The following LRFN2 variants were observed in gnomAD, a reference collection of about 807,000 sequenced individuals.
The protein encoded by LRFN2 is leucine rich repeat and fibronectin type III domain containing 2, also known as leucine-rich repeat and fibronectin type-III domain-containing protein 2.
LRFN2 carries 18 observed loss-of-function variants against 37.3 expected under a neutral mutation model. The observed-to-expected ratio is 0.48, with a 90% CI of 0.33 to 0.72. LRFN2 has a LOEUF of 0.72. Ranked by LOEUF, LRFN2 falls within the 30% of genes least tolerant of loss-of-function variation. The pLI, the probability that LRFN2 is intolerant of heterozygous loss-of-function variation, is 0.02. For missense variants in LRFN2, 1,006 were observed against 1,060.7 expected, an observed-to-expected ratio of 0.95 and a Z score of 0.72; for synonymous variants, 556 against 466.6, an observed-to-expected ratio of 1.19 and a Z score of -2.47.
chr6:40,460,730 C>T (rs1473778758), intron 1 of LRFN2, among the ~76,000 whole-genome samples: 1 of 152,142 alleles, frequency 6.6e-6, no homozygotes, highest in Non-Finnish European at 1.5e-5. Context: ...AGAAAGCCCC[C>T]TCCATAGCCC....
intron 1 of LRFN2, among the ~76,000 whole-genome samples, chr6:40,553,693 T>C (rs923382679): frequency 6.6e-6 from 1 of 152,234 alleles, no homozygotes; most frequent in South Asian, 2.1e-4. Context: ...CAGTTCTTAA[T>C]GAATTCGCCT....
chr6:40,462,577 T>A (rs993868815), intron 1 of LRFN2, among the ~76,000 whole-genome samples: 1 of 152,218 alleles, frequency 6.6e-6, no homozygotes, highest in African/African-American at 2.4e-5. Context: ...TCTTATTCAG[T>A]CCTTGTAAAG....
intron 1 of LRFN2, among the ~76,000 whole-genome samples, chr6:40,520,338 C>T (rs1766023639): frequency 6.6e-6 from 1 of 151,920 alleles, no homozygotes. Flanking sequence ...GAAGGAGGTG[C>T]AGGGAGGGGG....
At chr6:40,574,757 A>T (rs988856660) in intron 1 of LRFN2, among the ~76,000 whole-genome samples, 2 of 152,182 alleles carry the variant, frequency 1.3e-5, no homozygotes, top group African/African-American at 4.8e-5. Flanking sequence ...AGAAGTGGGC[A>T]GAGAGCAAGC....
chr6:40,515,617 G>A (rs1014096735), intron 1 of LRFN2, among the ~76,000 whole-genome samples: 3 of 152,158 alleles, frequency 2.0e-5, no homozygotes, highest in Non-Finnish European at 4.4e-5. Flanking sequence ...GGCTGGGCGC[G>A]GTGGCTCACG....
At chr6:40,558,362 G>A (rs1302271043) in intron 1 of LRFN2, among the ~76,000 whole-genome samples, 2 of 152,162 alleles carry the variant, frequency 1.3e-5, no homozygotes, top group African/African-American at 2.4e-5. Context: ...TTCCTTCCCC[G>A]CATTGTGGAA....
At chr6:40,586,311 T>C (rs1454616713) in intron 1 of LRFN2, among the ~76,000 whole-genome samples, 2 of 152,092 alleles carry the variant, frequency 1.3e-5, no homozygotes, top group African/African-American at 4.8e-5. Flanking sequence ...ACTTTCCATA[T>C]TGCTTCATCA....
At chr6:40,567,404 T>C (rs1322063333) in intron 1 of LRFN2, among the ~76,000 whole-genome samples, 2 of 152,198 alleles carry the variant, frequency 1.3e-5, no homozygotes, top group Admixed American at 1.3e-4. Flanking sequence ...TGATGCTGCC[T>C]TGGCTAAAAG....
chr6:40,456,361 A>C (rs983806772), intron 1 of LRFN2, among the ~76,000 whole-genome samples: 1 of 152,242 alleles, frequency 6.6e-6, no homozygotes, highest in African/African-American at 2.4e-5. Context: ...CCAGAGGAGA[A>C]GGACAATGAA....
At chr6:40,404,894 C>T (rs557307502) in intron 2 of LRFN2, among the ~76,000 whole-genome samples, 5 of 152,342 alleles carry the variant, frequency 3.3e-5, no homozygotes, top group East Asian at 1.9e-4. Flanking sequence ...CTGGGTTCAG[C>T]GTGCCCTCTC....
At chr6:40,582,433 C>T (rs894689563) in intron 1 of LRFN2, among the ~76,000 whole-genome samples, 3 of 151,956 alleles carry the variant, frequency 2.0e-5, no homozygotes, top group African/African-American at 7.3e-5. Flanking sequence ...CTCCTGCAGA[C>T]AATCCCAAGC....
At chr6:40,576,880 T>A (rs1161509899) in intron 1 of LRFN2, among the ~76,000 whole-genome samples, 1 of 151,770 alleles carries the variant, frequency 6.6e-6, no homozygotes, top group Admixed American at 6.6e-5. Context: ...CCTTCCTGAC[T>A]CCTCTTCCCA....
chr6:40,514,962 C>A (rs1403244582), intron 1 of LRFN2, among the ~76,000 whole-genome samples: 6 of 152,204 alleles, frequency 3.9e-5, no homozygotes, highest in African/African-American at 9.7e-5. Context: ...TAGCCACCAC[C>A]CTGGGCCAGC....
At chr6:40,476,875 G>A (rs1159746357) in intron 1 of LRFN2, among the ~76,000 whole-genome samples, 2 of 152,234 alleles carry the variant, frequency 1.3e-5, no homozygotes, top group African/African-American at 4.8e-5. Flanking sequence ...TCACTGGCAA[G>A]TAGAATCAGG....
chr6:40,399,078 C>A (rs1393467374), intron 2 of LRFN2, among the ~76,000 whole-genome samples: 1 of 151,844 alleles, frequency 6.6e-6, no homozygotes, highest in East Asian at 1.9e-4. Flanking sequence ...GACTGGAGGG[C>A]CGGAAGAGGG....
rs377166505 is a variant in LRFN2 at position 40,433,130 on chromosome 6, G to A, written c.-17C>T. The A allele has an allele frequency of 2.2e-5, 33 of 1,515,338 alleles. No homozygotes were observed. In the African/African-American group the frequency reaches 2.2e-4, roughly 10 times the overall value. The allele number at this position is 1,515,338 out of a possible 1,614,324, so 93.9% of individuals were successfully genotyped here. A position where few individuals can be genotyped will look rare whatever the true frequency, so the allele number is the denominator to read the frequency against. Reference sequence around the variant, plus strand: ...GGTCTCCATGGTCTGGTCACTCAGCGCCTGGAAGGGAGAAACACAAGCTCA... The same window carrying A: ...GGTCTCCATGGTCTGGTCACTCAGCACCTGGAAGGGAGAAACACAAGCTCA... On this transcript the variant is annotated splice_region_variant and 5_prime_UTR_variant, in exon 2 of 3. Coordinates refer to ENST00000338305, the MANE Select transcript of LRFN2 (RefSeq NM_020737.3).
intron 2 of LRFN2, among the ~76,000 whole-genome samples, chr6:40,418,068 C>T (rs145030481): frequency 3.9e-5 from 6 of 152,274 alleles, no homozygotes; most frequent in Non-Finnish European, 8.8e-5. Flanking sequence ...AGATAAAATC[C>T]GAGGCCTCAT....
chr6:40,407,476 C>T (rs1762871764), intron 2 of LRFN2, among the ~76,000 whole-genome samples: 1 of 152,168 alleles, frequency 6.6e-6, no homozygotes, highest in Admixed American at 6.5e-5. Context: ...TGTGAGAAAT[C>T]AAGTACAATA....
At chr6:40,491,202 T>C (rs1022350487) in intron 1 of LRFN2, among the ~76,000 whole-genome samples, 1 of 152,240 alleles carries the variant, frequency 6.6e-6, no homozygotes, top group African/African-American at 2.4e-5. Flanking sequence ...ACCTGTTCTC[T>C]GGGGCCTGGT....
Sources: gnomAD v4.1 joint callset for allele counts (sites outside exome capture counted in the v4.1 genomes callset) on GRCh38, gnomAD v4.1.1 for gene constraint, MANE v1.5 for transcripts, NCBI Gene and HGNC (gene_info 2026-07-23, HGNC 2026-07-21) for gene names.